Variants in LAMA4 observed in about 807,000 individuals in gnomAD.
LAMA4 encodes laminin subunit alpha 4, also known as laminin subunit alpha-4.
Under a neutral mutation model 207.1 loss-of-function variants are expected in LAMA4, and 127 were observed. The ratio of observed to expected loss-of-function variants is 0.61; its 90% CI spans 0.53 to 0.71. The LOEUF (loss-of-function observed/expected upper bound fraction) is 0.71, where lower values mean the gene tolerates loss of function less well. Among genes scored for constraint, LAMA4 ranks in the 30% least tolerant of loss-of-function variants. The pLI is 0.00. For synonymous variants in LAMA4, 761 were observed against 816.0 expected, an observed-to-expected ratio of 0.93 and a Z score of 1.15; for missense variants, 2,093 against 2,246.5, an observed-to-expected ratio of 0.93 and a Z score of 1.38.
chr6:112,243,368 A>C (rs939654607), intron 2 of LAMA4, among the ~76,000 whole-genome samples: 1 of 152,202 alleles, frequency 6.6e-6, no homozygotes, highest in Admixed American at 6.5e-5. Context: ...AACAGCTATG[A>C]CTATGTGATT....
At chr6:112,253,443 G>A (rs1304787837) in intron 2 of LAMA4, 1 of 353,180 alleles carries the variant, frequency 2.8e-6, no homozygotes, top group South Asian at 2.5e-5. Flanking sequence ...CTCAGCAGTT[G>A]TCTAACAGCT....
At chr6:112,155,279 A>G in intron 15 of LAMA4, 1 of 562,800 alleles carries the variant, frequency 1.8e-6, no homozygotes, top group South Asian at 2.2e-5. Context: ...TATCTTCTCT[A>G]TCAGCAAGAA....
intron 2 of LAMA4, among the ~76,000 whole-genome samples, chr6:112,252,228 A>T (rs140524780): frequency 6.6e-6 from 1 of 152,322 alleles, no homozygotes; most frequent in East Asian, 1.9e-4. Context: ...CAGTCTGGGG[A>T]TCTGTAACTT....
At chr6:112,143,058 G>A (rs1554333709) in intron 19 of LAMA4, among the ~76,000 whole-genome samples, 16 of 152,162 alleles carry the variant, frequency 1.1e-4, no homozygotes. Context: ...GGCCCAATAT[G>A]ATATGCTGAG....
intron 4 of LAMA4, among the ~76,000 whole-genome samples, chr6:112,202,537 G>T (rs782588907): frequency 6.6e-6 from 1 of 151,980 alleles, no homozygotes; most frequent in Non-Finnish European, 1.5e-5. Flanking sequence ...GTGACCCGCT[G>T]CTCTCTTGTT....
At chr6:112,244,950 C>G (rs1199000254) in intron 2 of LAMA4, among the ~76,000 whole-genome samples, 1 of 152,102 alleles carries the variant, frequency 6.6e-6, no homozygotes, top group Non-Finnish European at 1.5e-5. Context: ...TGGTGGCAGA[C>G]AACAATTTCA....
Position 112,205,114 on chromosome 6 carries a change from G to A in LAMA4, c.422+1907C>T, listed in dbSNP as rs782006056. ...CAGATTTTAAAAAGTCATTTTATGT[G>A]TATCATTTAATCTTTACAACAGCTA... On this transcript the variant is annotated intron_variant, in intron 4 of 38. Transcript: ENST00000230538. Among the ~76,000 whole-genome samples, 90 of 152,178 alleles carry A rather than the reference G, an allele frequency of 5.9e-4. 1 individual carries two copies. Among genetic ancestry groups the A allele is most frequent in the Non-Finnish European group, 1.6e-4 (11 of 68,028 alleles).
At chr6:112,211,650 G>T (rs753631757) in intron 3 of LAMA4, among the ~76,000 whole-genome samples, 39 of 152,202 alleles carry the variant, frequency 2.6e-4, no homozygotes, top group Non-Finnish European at 7.3e-5. Context: ...GCAGCTTTTA[G>T]CTCTTCCTGA....
chr6:112,168,422 T>C (rs112264127), intron 12 of LAMA4, among the ~76,000 whole-genome samples: 36 of 149,098 alleles, frequency 2.4e-4, no homozygotes, highest in African/African-American at 8.3e-4. Context: ...CTTAGCTCAC[T>C]GCAACCGCTG....
rs371083384 is a variant in LAMA4, at chr6:112,155,687, T to C, written c.1837A>G (p.Met613Val). 2.1e-5 allele frequency: 34 copies of C among 1,614,016 alleles called. No individual in the cohort carries two copies. Among genetic ancestry groups the C allele is most frequent in the African/African-American group, 1.1e-4 (8 of 74,942 alleles). The change falls in exon 15 of 39, where the codon ATG becomes GTG. Residue 613 changes from methionine to valine, a missense_variant. Coordinates refer to ENST00000230538, the MANE Select transcript of LAMA4 (RefSeq NM_001105206.3). ...AAAGCCTTCTGTACCAGCCCGTTCA[T>C]ATCTGAACTGTGCAACTTCCTGTTA... Reference protein sequence around the residue: ...ELSRKLHSSDMNGLVQKALDA... With the variant: ...ELSRKLHSSDVNGLVQKALDA...
rs782011252 is a variant in LAMA4, at chr6:112,129,188, ATG to A, written c.4134-115_4134-114del. ...AATTAAAATGTGTGTGTGTGTGTGC[ATG>A]TGTGTGTGTGTGTATGTGTGATGGG... is the stretch of plus-strand genomic sequence containing the variant. On this transcript the variant is annotated intron_variant, in intron 30 of 38. Transcript: ENST00000230538. The A allele has an allele frequency of 0.039, 18,886 of 479,562 alleles. 227 individuals are homozygous for A. Among genetic ancestry groups the A allele is most frequent in the Non-Finnish European group, 0.053 (14,954 of 283,128 alleles). The allele number at this position is 479,562 out of a possible 1,614,324, so 29.7% of individuals were successfully genotyped here.
In LAMA4 at chr6:112,214,040, C is replaced by T. The variant is rs782055936; in HGVS notation, c.297+2328G>A. 5 of 763,042 alleles carry T rather than the reference C, an allele frequency of 6.6e-6. No homozygotes were observed. The East Asian group carries it at 9.9e-5, about 15-fold the overall frequency. 47.3% of individuals were successfully genotyped at this position (763,042 alleles called of 1,614,324 possible). On this transcript the variant is annotated intron_variant, in intron 3 of 38. Coordinates refer to ENST00000230538, the MANE Select transcript of LAMA4 (RefSeq NM_001105206.3). ...CTGAGAATGAACGATAGGGCAGAAG[C>T]TGAAAAACCTGGGTCTTCTCCGTCA...
At chr6:112,209,542 T>C (rs562373654) in intron 3 of LAMA4, among the ~76,000 whole-genome samples, 2 of 152,194 alleles carry the variant, frequency 1.3e-5, no homozygotes, top group Non-Finnish European at 2.9e-5. Flanking sequence ...TTCTGGGAGA[T>C]TGGCAGACAG....
chr6:112,150,335 G>A, intron 17 of LAMA4, 176 bp downstream of exon 17: 1 of 664,440 alleles, frequency 1.5e-6, no homozygotes, highest in South Asian at 1.6e-5. Context: ...TTTATATTTA[G>A]TTTCTTCTTT....
chr6:112,148,707 ATT>A (rs11308103), intron 17 of LAMA4, among the ~76,000 whole-genome samples: 7 of 151,648 alleles, frequency 4.6e-5, no homozygotes, highest in South Asian at 2.1e-4. Context: ...AAAGAAAGAT[ATT>A]TTTTTAATAG....
chr6:112,109,543 AAGGGT>A lies in LAMA4; in HGVS notation c.5361_5365del (p.Lys1787AsnfsTer11). ...CACAAAGTGGCGTATGCAGCCTGTG[AAGGGT>A]TTGCTGGGGGCCAAGCGTGGTGTCA... On this transcript the variant is annotated frameshift_variant, in exon 39 of 39. Transcript: ENST00000230538. LOFTEE classifies it high-confidence loss of function. 6.2e-7 allele frequency: 1 copy of A among 1,614,062 alleles called. No homozygotes were observed. Among genetic ancestry groups the A allele is most frequent in the Non-Finnish European group, 8.5e-7 (1 of 1,179,988 alleles).
chr6:112,143,628 T>C (rs1779843372), intron 19 of LAMA4, among the ~76,000 whole-genome samples: 1 of 152,156 alleles, frequency 6.6e-6, no homozygotes, highest in Non-Finnish European at 1.5e-5. Flanking sequence ...GGGATTAAAG[T>C]CTTACATTAA....
At chr6:112,123,898 A>G (rs1778523396) in intron 31 of LAMA4, among the ~76,000 whole-genome samples, 1 of 152,186 alleles carries the variant, frequency 6.6e-6, no homozygotes, top group Non-Finnish European at 1.5e-5. Context: ...TGGGGGAAAT[A>G]TACCCAGCTA....
intron 15 of LAMA4, 82 bp from the exon 16 acceptor site, chr6:112,155,029 G>T: frequency 1.1e-6 from 1 of 926,958 alleles, no homozygotes; most frequent in Non-Finnish European, 1.8e-6. Context: ...AAATGACACA[G>T]TTTATCTGCT....
Sources: allele counts gnomAD v4.1 joint callset (sites outside exome capture counted in the v4.1 genomes callset), GRCh38; gene constraint gnomAD v4.1.1; transcripts MANE v1.5; gene names NCBI Gene and HGNC (gene_info 2026-07-23, HGNC 2026-07-21).